LAMB1: variants seen among roughly 807,000 people sequenced by gnomAD.
The protein encoded by LAMB1 is laminin subunit beta 1, also known as laminin subunit beta-1.
In LAMB1, 121 loss-of-function variants were observed where a neutral mutation model predicts 222.3. The observed-to-expected ratio is 0.54, with a 90% CI of 0.47 to 0.63. The LOEUF (loss-of-function observed/expected upper bound fraction) is 0.63. LAMB1 is among the 30% of genes least tolerant of loss of function. The pLI, the probability that LAMB1 is intolerant of heterozygous loss-of-function variation, is 0.00. For missense variants in LAMB1, 2,172 were observed against 2,240.8 expected (o/e 0.97, Z 0.62); for synonymous variants, 794 against 807.2 (o/e 0.98, Z 0.28).
intron 5 of LAMB1, among the ~76,000 whole-genome samples, chr7:107,990,482 C>A (rs1233996148): frequency 1.3e-5 from 2 of 152,198 alleles, no homozygotes; most frequent in Non-Finnish European, 2.9e-5. Flanking sequence ...AACCTCAGTT[C>A]TCTTCCTGAT....
In LAMB1 at chr7:107,951,222, T is replaced by G. The variant is rs766051911; in HGVS notation, c.3391+4A>C. On this transcript the variant is annotated splice_donor_region_variant and intron_variant, in intron 24 of 33. Coordinates refer to ENST00000222399, the MANE Select transcript of LAMB1 (RefSeq NM_002291.3). ...AAGTCAATGCGAGAACGCCCACAACTCACCTCGGCACTCCACGTCGGGGTC... is the reference window on the plus strand; with the variant it reads ...AAGTCAATGCGAGAACGCCCACAACGCACCTCGGCACTCCACGTCGGGGTC... The G allele has an allele frequency of 3.0e-5, 49 of 1,612,598 alleles. No homozygotes were observed. The Admixed American group carries it at 8.2e-4, about 27-fold the overall frequency.
At chr7:107,988,145 T>C (rs2034114822) in intron 5 of LAMB1, among the ~76,000 whole-genome samples, 1 of 152,244 alleles carries the variant, frequency 6.6e-6, no homozygotes, top group African/African-American at 2.4e-5. Flanking sequence ...AAGACTCTAT[T>C]GAATTACACT....
intron 24 of LAMB1, among the ~76,000 whole-genome samples, chr7:107,943,096 G>T (rs1332790995): frequency 6.6e-6 from 1 of 152,168 alleles, no homozygotes; most frequent in Admixed American, 6.5e-5. Flanking sequence ...AAGCTGTTTA[G>T]GCAAACCATG....
In LAMB1 at chr7:107,994,878, A is replaced by G. The variant is rs1388666560; in HGVS notation, c.423+9T>C. On this transcript the variant is annotated intron_variant, in intron 5 of 33. Transcript: ENST00000222399. ...TGTGTCATTTGTGAGAAAGTCATGG[A>G]TTTCTTACCTTGAAAGTCATTATGA... 6.6e-7 allele frequency: 1 copy of G among 1,526,516 alleles called. No homozygotes were observed. The highest frequency in any genetic ancestry group is 2.3e-5 in the East Asian group (1 of 44,386). The allele number at this position is 1,526,516 out of a possible 1,614,324, so 94.6% of individuals were successfully genotyped here. A position where few individuals can be genotyped will look rare whatever the true frequency, so the allele number is the denominator to read the frequency against.
At chr7:107,987,362 T>TAGTG (rs1368855053) in intron 5 of LAMB1, among the ~76,000 whole-genome samples, 1 of 152,172 alleles carries the variant, frequency 6.6e-6, no homozygotes, top group Non-Finnish European at 1.5e-5. Context: ...TAGACAGTCT[T>TAGTG]AGTGGTTGCT....
Position 107,951,209 on chromosome 7 carries a change from G to C in LAMB1, c.3391+17C>G. ...CCACTCTCTGATCAAGTCAATGCGA[G>C]AACGCCCACAACTCACCTCGGCACT... On this transcript the variant is annotated intron_variant, in intron 24 of 33. Transcript: ENST00000222399. 1 of 1,602,282 alleles carries C rather than the reference G, an allele frequency of 6.2e-7. No homozygotes were observed. The highest frequency in any genetic ancestry group is 2.2e-5 in the East Asian group (1 of 44,814).
chr7:107,957,508 A>G (rs1562988609), intron 20 of LAMB1, among the ~76,000 whole-genome samples: 2 of 152,228 alleles, frequency 1.3e-5, no homozygotes, highest in Admixed American at 6.5e-5. Context: ...AGATTGCACC[A>G]CTGTACTTCA....
At chr7:107,970,627 A>G (rs1241169491) in intron 13 of LAMB1, among the ~76,000 whole-genome samples, 2 of 152,152 alleles carry the variant, frequency 1.3e-5, no homozygotes, top group East Asian at 3.8e-4. Flanking sequence ...AGTAGCATTT[A>G]CCTAGCAACC....
At chr7:107,984,513 G>A (rs1383303366) in intron 7 of LAMB1, among the ~76,000 whole-genome samples, 1 of 152,212 alleles carries the variant, frequency 6.6e-6, no homozygotes. Flanking sequence ...CTCCCAAAGT[G>A]CTGGGGATTA....
Position 107,952,209 on chromosome 7 carries a change from A to G in LAMB1, c.3094T>C (p.Tyr1032His), listed in dbSNP as rs2033271839. 2 of 1,602,712 alleles carry G rather than the reference A, an allele frequency of 1.2e-6. No individual in the cohort carries two copies. The highest frequency in any genetic ancestry group is 1.7e-6 in the Non-Finnish European group (2 of 1,170,918). The change falls in exon 23 of 34, where the codon TAC becomes CAC. Residue 1032 changes from tyrosine (Y) to histidine (H), a missense_variant. Tyr to His is a moderately conservative substitution (Grantham distance 83). Coordinates refer to ENST00000222399, the MANE Select transcript of LAMB1 (RefSeq NM_002291.3). ...CAGTGCTCTTGCACGGTGCCCAGGT[A>G]ATTACAGACACACTCTGCAAAAGAA... The part of the protein sequence containing the change: ...QQDCRKCVCN[Y>H]LGTVQEHCNG...
chr7:107,955,011 T>C (rs993830225), intron 21 of LAMB1, among the ~76,000 whole-genome samples: 5 of 152,214 alleles, frequency 3.3e-5, no homozygotes, highest in East Asian at 1.9e-4. Flanking sequence ...GCTAGATTAA[T>C]TGAATCTTGA....
chr7:107,982,190 C>T (rs114611228), intron 7 of LAMB1, among the ~76,000 whole-genome samples: 6 of 152,198 alleles, frequency 3.9e-5, no homozygotes, highest in African/African-American at 7.2e-5. Context: ...ACCTTCTCCA[C>T]GGGGTTTTCG....
rs1247802796 is a variant in LAMB1, at chr7:107,978,694, G to A, written c.880-527C>T. 5.3e-5 allele frequency among the ~76,000 whole-genome samples: 8 copies of A among 151,878 alleles called. No individual in the cohort carries two copies. In the South Asian group the frequency reaches 6.2e-4, roughly 12 times the overall value. Reference sequence around the variant, plus strand: ...CACTTAAATTTTTCTTTCAATGACAGTAAAATTTTAAAAATTAATCATTTA... The same window carrying A: ...CACTTAAATTTTTCTTTCAATGACAATAAAATTTTAAAAATTAATCATTTA... On this transcript the variant is annotated intron_variant, in intron 8 of 33. Transcript: ENST00000222399.
intron 24 of LAMB1, among the ~76,000 whole-genome samples, chr7:107,943,766 A>C (rs1242402201): frequency 6.6e-6 from 1 of 152,138 alleles, no homozygotes; most frequent in East Asian, 1.9e-4. Context: ...TTACTTTCCC[A>C]GCTGTTTCTG....
intron 13 of LAMB1, among the ~76,000 whole-genome samples, chr7:107,971,497 G>A (rs1343867415): frequency 1.3e-5 from 2 of 152,162 alleles, no homozygotes; most frequent in East Asian, 3.9e-4. Flanking sequence ...TCCTCTTGAG[G>A]GACAACAACT....
Position 107,932,389 on chromosome 7 carries a change from C to A in LAMB1, c.4189-12G>T, listed in dbSNP as rs185943619. The A allele has an allele frequency of 1.3e-4, 209 of 1,613,772 alleles. No homozygotes were observed. Among genetic ancestry groups the A allele is most frequent in the Non-Finnish European group, 1.7e-4 (204 of 1,179,662 alleles). On this transcript the variant is annotated splice_polypyrimidine_tract_variant and intron_variant, in intron 27 of 33. Coordinates refer to ENST00000222399, the MANE Select transcript of LAMB1 (RefSeq NM_002291.3). The stretch of plus-strand genomic sequence containing the variant: ...GGTGTTCCACAGGTCTGCAACAAGC[C>A]AAGGATCAGGCACAATACTTCGGAT...
chr7:107,992,116 C>CA (rs1204260374), intron 5 of LAMB1, among the ~76,000 whole-genome samples: 8 of 152,134 alleles, frequency 5.3e-5, no homozygotes, highest in African/African-American at 1.9e-4. Flanking sequence ...ACTGTCCCAC[C>CA]ACCAGTGCCT....
At chr7:107,994,699 T>C (rs1390479778) in intron 5 of LAMB1, among the ~76,000 whole-genome samples, 188 bp downstream of exon 5, 3 of 152,268 alleles carry the variant, frequency 2.0e-5, no homozygotes, top group Non-Finnish European at 4.4e-5. Context: ...CTTATTGTCA[T>C]GAAGATAGAG....
At chr7:107,966,883 C>T (rs948902423) in intron 13 of LAMB1, among the ~76,000 whole-genome samples, 23 of 152,204 alleles carry the variant, frequency 1.5e-4, no homozygotes, top group African/African-American at 4.6e-4. Flanking sequence ...CCCTTAACAG[C>T]GGCCCTGCCA....
Sources: gnomAD v4.1 joint callset for allele counts (sites outside exome capture counted in the v4.1 genomes callset) on GRCh38, gnomAD v4.1.1 for gene constraint, MANE v1.5 for transcripts, NCBI Gene and HGNC (gene_info 2026-07-23, HGNC 2026-07-21) for gene names.